The following NUB1 variants were observed in gnomAD, a reference collection of about 807,000 sequenced individuals.
NUB1 encodes the protein NEDD8 ultimate buster 1.
Under a neutral mutation model 77.1 loss-of-function variants are expected in NUB1, and 41 were observed. The ratio of observed to expected loss-of-function variants is 0.53; its 90% CI spans 0.41 to 0.69. NUB1 has a LOEUF of 0.69. Among genes scored for constraint, NUB1 ranks in the 30% least tolerant of loss-of-function variants. The probability of loss-of-function intolerance (pLI) is 0.00; values close to 1 mark genes in which losing one functional copy is unlikely to be tolerated. For missense variants in NUB1, 643 were observed against 743.8 expected, an observed-to-expected ratio of 0.86 and a Z score of 1.58; for synonymous variants, 257 against 281.0, an observed-to-expected ratio of 0.91 and a Z score of 0.85.
chr7:151,342,169 T>C (rs1796244341), intron 1 of NUB1, among the ~76,000 whole-genome samples: 1 of 152,244 alleles, frequency 6.6e-6, no homozygotes. Context: ...AGCCAAATGC[T>C]ATACTTGAAT....
At chr7:151,344,214 G>GTAGATGT (rs375824228) in intron 1 of NUB1, among the ~76,000 whole-genome samples, 5,157 of 97,972 alleles carry the variant, frequency 0.053, 138 homozygotes, top group East Asian at 0.19. Flanking sequence ...AAAAAAAAAA[G>GTAGATGT]TAGATGTGCT....
chr7:151,364,240 C>A (rs1317293878), intron 8 of NUB1, among the ~76,000 whole-genome samples: 1 of 149,866 alleles, frequency 6.7e-6, no homozygotes, highest in Non-Finnish European at 1.5e-5. Context: ...GCTAACAGGG[C>A]GAAACCCCGT....
Position 151,345,400 on chromosome 7 carries a change from A to C in NUB1, c.51A>C (p.Glu17Asp). Residue 17 changes from glutamate to aspartate, a missense_variant, in exon 2 of 15, where the codon GAA becomes GAC. By Grantham distance (45) the Glu-to-Asp change is conservative. Coordinates refer to ENST00000568733, the MANE Select transcript of NUB1 (RefSeq NM_001243351.2). ...LQAKLTQFLR[E>D]DRIQLWKPPY... The stretch of plus-strand genomic sequence containing the variant: ...CAAAATTGACCCAGTTTTTAAGGGA[A>C]GACAGGATTCAACTTTGGAAACCTC... 2 of 1,613,056 alleles carry C rather than the reference A, an allele frequency of 1.2e-6. No individual in the cohort carries two copies. Among genetic ancestry groups the C allele is most frequent in the Non-Finnish European group, 1.7e-6 (2 of 1,179,468 alleles).
rs1416467414 is a variant in NUB1, at chr7:151,368,774, A to G, written c.1135A>G (p.Lys379Glu). The change falls in exon 11 of 15, where the codon AAA becomes GAA. Residue 379 changes from lysine to glutamate, a missense_variant. Coordinates refer to ENST00000568733, the MANE Select transcript of NUB1 (RefSeq NM_001243351.2). ...LFKELYIDPS[K>E]VDNLLQLGFT... Reference sequence around the variant, plus strand: ...TAAAGAGCTATATATTGATCCATCAAAAGTGGACAATTTGTTGCAGTTGGG... The same window carrying G: ...TAAAGAGCTATATATTGATCCATCAGAAGTGGACAATTTGTTGCAGTTGGG... The G allele has an allele frequency of 6.2e-7, 1 of 1,614,000 alleles. No individual in the cohort carries two copies. Among genetic ancestry groups the G allele is most frequent in the Admixed American group, 1.7e-5 (1 of 60,002 alleles).
intron 5 of NUB1, among the ~76,000 whole-genome samples, chr7:151,353,425 C>T (rs1010304657): frequency 5.3e-5 from 8 of 152,140 alleles, no homozygotes; most frequent in Admixed American, 3.9e-4. Context: ...GTGCTTATAA[C>T]TTGGTGACGG....
chr7:151,354,734 A>G (rs1036433624), intron 5 of NUB1, among the ~76,000 whole-genome samples: 2 of 152,134 alleles, frequency 1.3e-5, no homozygotes, highest in African/African-American at 4.8e-5. Context: ...GATGGAGCCC[A>G]TGGTCTTTGC....
chr7:151,371,259 G>A (rs761278385), intron 11 of NUB1, among the ~76,000 whole-genome samples: 5 of 152,144 alleles, frequency 3.3e-5, no homozygotes, highest in Admixed American at 6.5e-5. Flanking sequence ...TTTATTGGCC[G>A]TTTACTTGTA....
At chr7:151,369,012 C>CTTTTT in intron 11 of NUB1, 125 bp downstream of exon 11, 1 of 1,001,458 alleles carries the variant, frequency 1.0e-6, no homozygotes, top group Non-Finnish European at 1.4e-6. Context: ...GAAACTTGTC[C>CTTTTT]TTTTTTTTTT....
chr7:151,358,932 G>A (rs1415698327), intron 7 of NUB1, among the ~76,000 whole-genome samples: 1 of 151,718 alleles, frequency 6.6e-6, no homozygotes, highest in Non-Finnish European at 1.5e-5. Flanking sequence ...AGGCGTGGTG[G>A]TGGGCGCCTG....
intron 13 of NUB1, chr7:151,376,153 T>C (rs1307295718): frequency 1.9e-6 from 1 of 540,078 alleles, no homozygotes; most frequent in Non-Finnish European, 3.3e-6. Context: ...ACTGGGGAAG[T>C]GTCAGGAAGT....
Position 151,341,856 on chromosome 7 carries a change from CG to C in NUB1, c.-3+12del. ...GAGTGGCGTGGCGCAGGTGAGGACA[CG>C]GCGGCCGAGTGTCCTCGACCCCAGC... On this transcript the variant is annotated intron_variant, in intron 1 of 14. Transcript: ENST00000568733. 2 of 1,497,534 alleles carry C rather than the reference CG, an allele frequency of 1.3e-6. No homozygotes were observed. Among genetic ancestry groups the C allele is most frequent in the South Asian group, 2.5e-5 (2 of 79,808 alleles). 92.8% of individuals were successfully genotyped at this position (1,497,534 alleles called of 1,614,324 possible).
At position 151,367,128 on chromosome 7, in the gene NUB1, A is replaced by G; in HGVS notation, c.987+3A>G. 1 of 1,608,282 alleles carries G rather than the reference A, an allele frequency of 6.2e-7. No individual in the cohort carries two copies. Among genetic ancestry groups the G allele is most frequent in the Non-Finnish European group, 8.5e-7 (1 of 1,175,966 alleles). ...ATCAGAGACTGGTCCACATAAAAGT[A>G]TGTTCCTGGAATTCATCTTATGTCT... On this transcript the variant is annotated splice_donor_region_variant and intron_variant, in intron 9 of 14. Coordinates refer to ENST00000568733, the MANE Select transcript of NUB1 (RefSeq NM_001243351.2).
chr7:151,347,767 T>C (rs911825146), intron 2 of NUB1, among the ~76,000 whole-genome samples: 32 of 152,358 alleles, frequency 2.1e-4, no homozygotes, highest in South Asian at 2.1e-3. Flanking sequence ...TCTATACTCA[T>C]ATCTATAAAG....
intron 4 of NUB1, chr7:151,352,081 G>C (rs1796830815): frequency 2.2e-6 from 1 of 456,354 alleles, no homozygotes; most frequent in African/African-American, 2.0e-5. Context: ...TTCCTTCTTT[G>C]GTCTACATCA....
intron 3 of NUB1, 52 bp downstream of exon 3, chr7:151,349,292 G>A: frequency 1.4e-6 from 2 of 1,405,762 alleles, no homozygotes; most frequent in South Asian, 1.2e-5. Context: ...TTAGTGATGA[G>A]GTCAAATAAA....
At chr7:151,377,019 C>G in intron 14 of NUB1, 28 bp from the exon 15 acceptor site, 3 of 1,504,456 alleles carry the variant, frequency 2.0e-6, no homozygotes, top group Non-Finnish European at 2.7e-6. Flanking sequence ...TCACATAATT[C>G]ACTTACTCCT....
intron 2 of NUB1, 102 bp downstream of exon 2, chr7:151,345,568 C>T (rs1039020692): frequency 1.4e-5 from 9 of 654,172 alleles, no homozygotes; most frequent in Admixed American, 6.8e-5. Context: ...TTTGGCATAA[C>T]CAAAAGCATT....
At chr7:151,365,890 CT>C (rs11414801) in intron 8 of NUB1, among the ~76,000 whole-genome samples, 9,245 of 149,858 alleles carry the variant, frequency 0.062, 596 homozygotes, top group African/African-American at 0.16. Context: ...AATTAAAGTC[CT>C]TTTTTTTTTA....
chr7:151,343,678 A>T (rs1421841522), intron 1 of NUB1, among the ~76,000 whole-genome samples: 1 of 152,174 alleles, frequency 6.6e-6, no homozygotes, highest in Non-Finnish European at 1.5e-5. Context: ...AGACAGCTCC[A>T]TCGCGGTACA....
Sources: allele counts gnomAD v4.1 joint callset (sites outside exome capture counted in the v4.1 genomes callset), GRCh38; gene constraint gnomAD v4.1.1; transcripts MANE v1.5; gene names NCBI Gene and HGNC (gene_info 2026-07-23, HGNC 2026-07-21).